Variants in CCDC73 observed in about 807,000 individuals in gnomAD.
CCDC73 encodes coiled-coil domain containing 73, also known as coiled-coil domain-containing protein 73.
Under a neutral mutation model 116.5 loss-of-function variants are expected in CCDC73, and 95 were observed. The ratio of observed to expected loss-of-function variants is 0.82; its 90% CI spans 0.69 to 0.97. The LOEUF is 0.97. Ranked by LOEUF, CCDC73 falls within the 50% of genes least tolerant of loss-of-function variation. The probability of loss-of-function intolerance (pLI) is 0.00; values close to 1 mark genes in which losing one functional copy is unlikely to be tolerated. For synonymous variants in CCDC73, 398 were observed against 401.3 expected (o/e 0.99, Z 0.10); for missense variants, 1,066 against 1,206.8 (o/e 0.88, Z 1.73).
chr11:32,787,794 C>A (rs1326522212), intron 1 of CCDC73, among the ~76,000 whole-genome samples: 2 of 152,052 alleles, frequency 1.3e-5, no homozygotes, highest in African/African-American at 4.8e-5. Flanking sequence ...ACAGAACAAT[C>A]AAAATATGAT....
intron 2 of CCDC73, among the ~76,000 whole-genome samples, chr11:32,723,259 A>G (rs1850005368): frequency 6.6e-6 from 1 of 152,240 alleles, no homozygotes; most frequent in Non-Finnish European, 1.5e-5. Context: ...TCTAATATTA[A>G]TAGATAATTT....
chr11:32,610,361 A>G (rs1855409756), intron 17 of CCDC73, among the ~76,000 whole-genome samples: 2 of 152,212 alleles, frequency 1.3e-5, no homozygotes, highest in African/African-American at 4.8e-5. Context: ...ACTCTCCCAG[A>G]AGAGTTATAC....
intron 14 of CCDC73, among the ~76,000 whole-genome samples, chr11:32,628,231 C>G (rs879807337): frequency 1.1e-4 from 17 of 152,192 alleles, no homozygotes; most frequent in Non-Finnish European, 2.1e-4. Flanking sequence ...TATGATTACT[C>G]AGGCTTACTG....
At chr11:32,621,249 A>G (rs1299446180) in intron 14 of CCDC73, among the ~76,000 whole-genome samples, 1 of 152,254 alleles carries the variant, frequency 6.6e-6, no homozygotes, top group East Asian at 1.9e-4. Flanking sequence ...AGCTGGAGGC[A>G]TCATGCTACC....
the CCDC73 span, among the ~76,000 whole-genome samples, chr11:32,813,436 T>C: frequency 2.6e-5 from 4 of 152,186 alleles, no homozygotes; most frequent in African/African-American, 9.6e-5. Context: ...TTTTAATTTT[T>C]TTACAGAGAT....
At chr11:32,618,903 G>T (rs1855498018) in intron 14 of CCDC73, among the ~76,000 whole-genome samples, 1 of 151,942 alleles carries the variant, frequency 6.6e-6, no homozygotes, top group Non-Finnish European at 1.5e-5. Context: ...ATCTCTTTGT[G>T]GTGTTGATTT....
chr11:32,607,981 C>T (rs147740997), intron 17 of CCDC73, among the ~76,000 whole-genome samples: 3,992 of 151,802 alleles, frequency 0.026, 67 homozygotes, highest in Non-Finnish European at 0.04. Flanking sequence ...TTCACTATCA[C>T]AAGAATATTT....
chr11:32,724,951 C>T lies in CCDC73; in HGVS notation c.136-6804G>A, dbSNP rs759944128. On this transcript the variant is annotated intron_variant, in intron 2 of 17. Transcript: ENST00000335185. ...TTCAATATAAACTATTTTGTTGATT[C>T]GGACTGTTAATTTGTAAATCATTAT... Among the ~76,000 whole-genome samples the T allele has an allele frequency of 8.5e-5, 13 of 152,144 alleles. No individual in the cohort carries two copies. In the East Asian group the frequency reaches 2.1e-3, roughly 25 times the overall value.
chr11:32,689,341 A>G (rs959224417), intron 6 of CCDC73, among the ~76,000 whole-genome samples: 1 of 152,184 alleles, frequency 6.6e-6, no homozygotes, highest in African/African-American at 2.4e-5. Context: ...GAAGAATTCC[A>G]CAAGTTCATC....
chr11:32,768,566 A>T (rs545418886), intron 1 of CCDC73, among the ~76,000 whole-genome samples: 1 of 152,354 alleles, frequency 6.6e-6, no homozygotes, highest in South Asian at 2.1e-4. Context: ...ATTAATTTTT[A>T]AATAAAAGCT....
intron 1 of CCDC73, among the ~76,000 whole-genome samples, chr11:32,793,676 T>A (rs1850696572): frequency 6.6e-6 from 1 of 152,056 alleles, no homozygotes; most frequent in Non-Finnish European, 1.5e-5. Flanking sequence ...AGTGGAGTGA[T>A]CTAGGCTCAC....
chr11:32,765,974 T>C (rs2133382430), intron 1 of CCDC73, among the ~76,000 whole-genome samples: 1 of 152,338 alleles, frequency 6.6e-6, no homozygotes, highest in South Asian at 2.1e-4. Context: ...AGCATCATCC[T>C]GATACCAAAG....
At chr11:32,683,341 G>A (rs771615014) in intron 7 of CCDC73, 195 bp downstream of exon 7, 138 of 569,920 alleles carry the variant, frequency 2.4e-4, no homozygotes, top group Admixed American at 4.0e-4. Context: ...ATGTAATCTC[G>A]AAATAAATTT....
chr11:32,755,801 G>GTATATATATATATCTCCATATATGTGTA (rs571377863), intron 2 of CCDC73, among the ~76,000 whole-genome samples: 5 of 122,074 alleles, frequency 4.1e-5, no homozygotes, highest in Non-Finnish European at 8.3e-5. Flanking sequence ...CCATATATGT[G>GTATATATATATATCTCCATATATGTGTA]TATATATATA....
At chr11:32,666,162 A>G (rs1473008198) in intron 9 of CCDC73, among the ~76,000 whole-genome samples, 1 of 152,106 alleles carries the variant, frequency 6.6e-6, no homozygotes, top group Admixed American at 6.5e-5. Flanking sequence ...CTCAAAGAGT[A>G]TCTTTGTGGC....
At chr11:32,657,080 A>G (rs117777755) in intron 9 of CCDC73, among the ~76,000 whole-genome samples, 116 of 152,358 alleles carry the variant, frequency 7.6e-4, no homozygotes, top group Non-Finnish European at 1.3e-3. Context: ...AGATTAGAGA[A>G]GAAGCCAGTA....
At chr11:32,664,549 T>C (rs887192690) in intron 9 of CCDC73, among the ~76,000 whole-genome samples, 2 of 152,160 alleles carry the variant, frequency 1.3e-5, no homozygotes, top group Non-Finnish European at 2.9e-5. Context: ...TTTTTTATTG[T>C]GTCTATTTGA....
intron 1 of CCDC73, among the ~76,000 whole-genome samples, chr11:32,786,411 ATAT>A (rs751323895): frequency 1.1e-3 from 156 of 136,974 alleles, no homozygotes; most frequent in East Asian, 2.2e-3. Context: ...TATAATAAAT[ATAT>A]TATTTATATA....
At chr11:32,719,135 C>T (rs575424987) in intron 2 of CCDC73, among the ~76,000 whole-genome samples, 1 of 152,292 alleles carries the variant, frequency 6.6e-6, no homozygotes, top group East Asian at 1.9e-4. Context: ...CAATGCCAAG[C>T]AGGAAGCAGT....
Sources: allele counts gnomAD v4.1 joint callset (sites outside exome capture counted in the v4.1 genomes callset), GRCh38; gene constraint gnomAD v4.1.1; transcripts MANE v1.5; gene names NCBI Gene and HGNC (gene_info 2026-07-23, HGNC 2026-07-21).